Variants in BCL2 observed in about 807,000 individuals in gnomAD.
BCL2 encodes BCL2 apoptosis regulator, also known as apoptosis regulator Bcl-2.
BCL2 carries 1 observed loss-of-function variant against 14.2 expected under a neutral mutation model. The ratio of observed to expected loss-of-function variants is 0.07; its 90% CI spans 0.02 to 0.33. The LOEUF is 0.33. BCL2 is among the 10% of genes least tolerant of loss of function. The probability of loss-of-function intolerance (pLI) is 0.99; values close to 1 mark genes in which losing one functional copy is unlikely to be tolerated. For synonymous variants in BCL2, 151 were observed against 137.2 expected, an observed-to-expected ratio of 1.10 and a Z score of -0.70; for missense variants, 247 against 305.9, an observed-to-expected ratio of 0.81 and a Z score of 1.44.
At chr18:63,183,382 G>A (rs137869079) in intron 2 of BCL2, among the ~76,000 whole-genome samples, 1 of 152,286 alleles carries the variant, frequency 6.6e-6, no homozygotes, top group East Asian at 1.9e-4. Context: ...CATCACAGCA[G>A]GCTTCATGGA....
At chr18:63,180,299 G>A (rs1915453154) in intron 2 of BCL2, among the ~76,000 whole-genome samples, 1 of 152,230 alleles carries the variant, frequency 6.6e-6, no homozygotes. Flanking sequence ...GGAAGAGCAG[G>A]GAAGGGAGAT....
At chr18:63,157,819 G>A (rs777455900) in intron 2 of BCL2, among the ~76,000 whole-genome samples, 6 of 152,190 alleles carry the variant, frequency 3.9e-5, no homozygotes, top group Non-Finnish European at 5.9e-5. Flanking sequence ...GGCCAAGTAC[G>A]TGCTGTTTAT....
chr18:63,174,639 G>A (rs985937976), intron 2 of BCL2, among the ~76,000 whole-genome samples: 3 of 152,038 alleles, frequency 2.0e-5, no homozygotes, highest in African/African-American at 7.3e-5. Flanking sequence ...GGCCAACATG[G>A]TGAAACCCCG....
intron 2 of BCL2, among the ~76,000 whole-genome samples, chr18:63,308,951 G>C (rs937267331): frequency 5.3e-5 from 8 of 152,146 alleles, no homozygotes; most frequent in Non-Finnish European, 1.2e-4. Context: ...TATTAATAAG[G>C]AAGTCTCAAT....
intron 2 of BCL2, among the ~76,000 whole-genome samples, chr18:63,278,047 GA>G (rs1215822778): frequency 2.0e-5 from 3 of 152,148 alleles, no homozygotes; most frequent in Non-Finnish European, 4.4e-5. Flanking sequence ...GCTATTTTAA[GA>G]TCACTAAACA....
chr18:63,310,394 G>C (rs1387064825), intron 2 of BCL2, among the ~76,000 whole-genome samples: 2 of 152,112 alleles, frequency 1.3e-5, no homozygotes, highest in African/African-American at 4.8e-5. Flanking sequence ...TCCACTACCT[G>C]AAAGACCCTC....
chr18:63,210,511 T>A (rs72943072), intron 2 of BCL2, among the ~76,000 whole-genome samples: 1,731 of 152,348 alleles, frequency 0.011, 14 homozygotes, highest in South Asian at 0.019. Flanking sequence ...TTCATAATAT[T>A]CTAATCAGCA....
chr18:63,135,317 A>G (rs1044153124), intron 2 of BCL2, among the ~76,000 whole-genome samples: 3 of 152,136 alleles, frequency 2.0e-5, no homozygotes, highest in Non-Finnish European at 4.4e-5. Flanking sequence ...CCAGCCCAAA[A>G]CAAGTCTCAT....
intron 2 of BCL2, among the ~76,000 whole-genome samples, chr18:63,142,962 C>G (rs1914405230): frequency 6.6e-6 from 1 of 152,214 alleles, no homozygotes; most frequent in Non-Finnish European, 1.5e-5. Flanking sequence ...CTCTCTATCA[C>G]AAGGAAAATG....
intron 2 of BCL2, among the ~76,000 whole-genome samples, chr18:63,256,241 G>A (rs890561005): frequency 9.2e-5 from 14 of 152,170 alleles, no homozygotes; most frequent in Admixed American, 3.3e-4. Context: ...ATTTGAGACC[G>A]AGTCTCGCTC....
chr18:63,189,062 T>C (rs968980752), intron 2 of BCL2, among the ~76,000 whole-genome samples: 8 of 147,910 alleles, frequency 5.4e-5, no homozygotes, highest in South Asian at 2.2e-4. Context: ...TCCTTACACA[T>C]AGGTAGAAAA....
intron 2 of BCL2, among the ~76,000 whole-genome samples, chr18:63,214,408 G>C (rs1266728269): frequency 6.6e-6 from 1 of 152,202 alleles, no homozygotes; most frequent in Non-Finnish European, 1.5e-5. Flanking sequence ...GACATACACA[G>C]TTATTTTTAA....
intron 2 of BCL2, among the ~76,000 whole-genome samples, chr18:63,163,283 G>A (rs1473718852): frequency 1.3e-5 from 2 of 152,182 alleles, no homozygotes; most frequent in Non-Finnish European, 2.9e-5. Flanking sequence ...CATTCAAGCT[G>A]TCACTAATGT....
chr18:63,134,735 A>G (rs1213409980), intron 2 of BCL2, among the ~76,000 whole-genome samples: 4 of 152,156 alleles, frequency 2.6e-5, no homozygotes, highest in African/African-American at 4.8e-5. Flanking sequence ...CATTTGAACT[A>G]AACTAAATCA....
At chr18:63,173,749 C>T (rs1443880312) in intron 2 of BCL2, among the ~76,000 whole-genome samples, 2 of 152,156 alleles carry the variant, frequency 1.3e-5, no homozygotes, top group African/African-American at 4.8e-5. Flanking sequence ...TTACTATGAA[C>T]TCTAATAGGA....
chr18:63,275,693 T>G (rs939202891), intron 2 of BCL2, among the ~76,000 whole-genome samples: 5 of 152,254 alleles, frequency 3.3e-5, no homozygotes, highest in African/African-American at 9.6e-5. Context: ...CTCTCTACTG[T>G]CTGGAAGGCC....
chr18:63,251,409 C>T (rs1329807945), intron 2 of BCL2, among the ~76,000 whole-genome samples: 3 of 151,818 alleles, frequency 2.0e-5, no homozygotes, highest in Non-Finnish European at 2.9e-5. Context: ...TTTGGGAGGC[C>T]GAGGCAGGCG....
Position 63,238,677 on chromosome 18 carries a change from T to C in BCL2, c.585+79405A>G, listed in dbSNP as rs552679985. On this transcript the variant is annotated intron_variant, in intron 2 of 2. Transcript: ENST00000333681. ...GGCCTGAAGGAGTGTGCAGAGTCTA[T>C]GTTTATTTACAGTTTTGATATAATG... is the stretch of plus-strand genomic sequence containing the variant. Among the ~76,000 whole-genome samples the C allele has an allele frequency of 1.2e-4, 19 of 152,336 alleles. No homozygotes were observed. The East Asian group carries it at 3.1e-3, about 25-fold the overall frequency.
chr18:63,183,326 A>G (rs1277646528), intron 2 of BCL2, among the ~76,000 whole-genome samples: 1 of 152,070 alleles, frequency 6.6e-6, no homozygotes, highest in Non-Finnish European at 1.5e-5. Context: ...GCTCCAGGAG[A>G]GGAAAATGCC....
Sources: gnomAD v4.1 joint callset for allele counts (sites outside exome capture counted in the v4.1 genomes callset) on GRCh38, gnomAD v4.1.1 for gene constraint, MANE v1.5 for transcripts, NCBI Gene and HGNC (gene_info 2026-07-23, HGNC 2026-07-21) for gene names.